The following B4GALNT4 variants were observed in gnomAD, a reference collection of about 807,000 sequenced individuals.
B4GALNT4 encodes the protein N-acetyl-beta-glucosaminyl-glycoprotein 4-beta-N-acetylgalactosaminyltransferase 1.
B4GALNT4 carries 77 observed loss-of-function variants against 110.0 expected under a neutral mutation model. That is an observed-to-expected ratio of 0.70 (90% CI 0.58 to 0.85). B4GALNT4 has a LOEUF of 0.85. Among genes scored for constraint, B4GALNT4 ranks in the 40% least tolerant of loss-of-function variants. B4GALNT4 has a pLI of 0.00. For synonymous variants in B4GALNT4, 785 were observed against 655.5 expected, an observed-to-expected ratio of 1.20 and a Z score of -3.02; for missense variants, 1,575 against 1,506.0, an observed-to-expected ratio of 1.05 and a Z score of -0.76.
At position 372,092 on chromosome 11, in the gene B4GALNT4, T is replaced by A; in HGVS notation, c.152-17T>A. ...AGAGAGCCTGGGCCCGAGACAGGCC[T>A]CATGTGCCACCTGCAGATGGTGAGA... On this transcript the variant is annotated splice_polypyrimidine_tract_variant and intron_variant, in intron 1 of 19. Coordinates refer to ENST00000329962, the MANE Select transcript of B4GALNT4 (RefSeq NM_178537.5). 1 of 1,545,956 alleles carries A rather than the reference T, an allele frequency of 6.5e-7. No individual in the cohort carries two copies. The highest frequency in any genetic ancestry group is 8.7e-7 in the Non-Finnish European group (1 of 1,144,486).
rs1218054524 is a variant in B4GALNT4, at chr11:376,266, A to G, written c.1212A>G (p.Lys404=). 6 of 1,609,514 alleles carry G rather than the reference A, an allele frequency of 3.7e-6. No individual in the cohort carries two copies. The highest frequency in any genetic ancestry group is 5.1e-6 in the Non-Finnish European group (6 of 1,177,908). ...CGCGCCCCAGGTTTGGGTTCTATAA[A>G]TACATGAAGATGGACAAGGAGGAGG... ...PLYLERFGFY[K]YMKMDKEEGD... Residue 404 remains lysine (K), a synonymous_variant, in exon 13 of 20, where the codon AAA becomes AAG. Transcript: ENST00000329962.
chr11:375,522 A>G lies in B4GALNT4; in HGVS notation c.845A>G (p.Tyr282Cys). ...EVISSAHISL[Y>C]TDESALKMDH... ...ATCAGCTCTGCTCACATCTCCCTGT[A>G]CACAGGTGCGAGCGGACGCCTCTGG... is the stretch of plus-strand genomic sequence containing the variant. The change falls in exon 9 of 20, where the codon TAC becomes TGC. Residue 282 changes from tyrosine (Y) to cysteine (C), a missense_variant. Tyr to Cys is a radical substitution (Grantham distance 194). Transcript: ENST00000329962. 2 of 1,611,026 alleles carry G rather than the reference A, an allele frequency of 1.2e-6. No homozygotes were observed. The highest frequency in any genetic ancestry group is 1.7e-6 in the Non-Finnish European group (2 of 1,179,762).
chr11:372,863 G>T lies in B4GALNT4; in HGVS notation c.360G>T (p.Gln120His). 6.2e-7 allele frequency: 1 copy of T among 1,611,786 alleles called. No individual in the cohort carries two copies. The highest frequency in any genetic ancestry group is 8.5e-7 in the Non-Finnish European group (1 of 1,179,696). Residue 120 changes from glutamine to histidine, a missense_variant, in exon 4 of 20, where the codon CAG (glutamine) becomes CAT (histidine). Physicochemically the swap from Gln to His is conservative, Grantham distance 24. Transcript: ENST00000329962. ...TPPWREEYKG[Q>H]VNLHVFEDWC... ...CCCCCCATCCCCAGTACAAGGGGCAGGTGAACCTGCACGTGTTTGAGGACT... is the reference window on the plus strand; with the variant it reads ...CCCCCCATCCCCAGTACAAGGGGCATGTGAACCTGCACGTGTTTGAGGACT...
In B4GALNT4 at chr11:380,018, C is replaced by T. The variant is rs144178684; in HGVS notation, c.2641C>T (p.Arg881Trp). 854 of 1,611,468 alleles carry T rather than the reference C, an allele frequency of 5.3e-4. No homozygotes were observed. Among genetic ancestry groups the T allele is most frequent in the Non-Finnish European group, 7.0e-4 (822 of 1,178,848 alleles). The part of the protein sequence containing the change: ...ERALRAARLP[R>W]YQYLRRTGNF... Reference sequence around the variant, plus strand: ...GGCCCTGCGCGCCGCGCGCCTGCCCCGGTAACGACCCCTACTTCCACCTGG... The same window carrying T: ...GGCCCTGCGCGCCGCGCGCCTGCCCTGGTAACGACCCCTACTTCCACCTGG... The change falls in exon 16 of 20, where the codon CGG becomes TGG. Residue 881 changes from arginine to tryptophan, a missense_variant and splice_region_variant. Coordinates refer to ENST00000329962, the MANE Select transcript of B4GALNT4 (RefSeq NM_178537.5).
At chr11:380,715 G>A (rs1360201203) in intron 18 of B4GALNT4, 110 bp from the exon 19 acceptor site, 2 of 1,561,062 alleles carry the variant, frequency 1.3e-6, no homozygotes, top group East Asian at 2.2e-5. Context: ...AGCCCCCGTG[G>A]TGATGGGACC....
At chr11:372,081 C>T (rs528399992) in intron 1 of B4GALNT4, 28 bp from the exon 2 acceptor site, 17 of 1,535,668 alleles carry the variant, frequency 1.1e-5, no homozygotes, top group African/African-American at 1.4e-5. Flanking sequence ...AGCCTGGGCC[C>T]GAGACAGGCC....
Position 376,231 on chromosome 11 carries a change from G to C in B4GALNT4, c.1197-20G>C, listed in dbSNP as rs753211515. The C allele has an allele frequency of 6.2e-7, 1 of 1,603,724 alleles. No individual in the cohort carries two copies. Among genetic ancestry groups the C allele is most frequent in the African/African-American group, 1.3e-5 (1 of 74,642 alleles). On this transcript the variant is annotated intron_variant, in intron 12 of 19. Transcript: ENST00000329962. ...GGTGGGCGGGGCGGGACTCGGCTCT[G>C]ATGCCCCGCCGCGCCCCAGGTTTGG...
chr11:380,036 C>G lies in B4GALNT4; in HGVS notation c.2642+17C>G. 1 of 1,609,754 alleles carries G rather than the reference C, an allele frequency of 6.2e-7. No homozygotes were observed. On this transcript the variant is annotated intron_variant, in intron 16 of 19. Transcript: ENST00000329962. ...CCTGCCCCGGTAACGACCCCTACTT[C>G]CACCTGGGCGGACCCAGCGCAGCTT... is the stretch of plus-strand genomic sequence containing the variant.
At chr11:373,947 C>T (rs1846672715) in intron 8 of B4GALNT4, 119 bp downstream of exon 8, 3 of 1,034,858 alleles carry the variant, frequency 2.9e-6, no homozygotes, top group African/African-American at 1.6e-5. Context: ...GGGCCATGGG[C>T]CTGAGGTCAG....
At chr11:380,224 C>G in intron 17 of B4GALNT4, 22 bp downstream of exon 17, 1 of 1,604,968 alleles carries the variant, frequency 6.2e-7, no homozygotes, top group Non-Finnish European at 8.5e-7. Context: ...CCATGGGGGT[C>G]GGGGAGCAAA....
At position 376,948 on chromosome 11, in the gene B4GALNT4, C is replaced by T. The variant is rs1356057960; in HGVS notation, c.1825C>T (p.Pro609Ser). ...GGAGGGCCAGGCGCGCACGCTGGGA[C>T]CTGCGGCGCCCACAGTGGACTCAAA... The part of the protein sequence containing the change: ...GREGQARTLG[P>S]AAPTVDSNLS... Residue 609 changes from proline to serine, a missense_variant, in exon 14 of 20, where the codon CCT becomes TCT. Physicochemically the swap from Pro to Ser is moderately conservative, Grantham distance 74 (BLOSUM62 -1). Coordinates refer to ENST00000329962, the MANE Select transcript of B4GALNT4 (RefSeq NM_178537.5). 2.1e-6 allele frequency: 3 copies of T among 1,444,042 alleles called. No individual in the cohort carries two copies. The highest frequency in any genetic ancestry group is 1.8e-6 in the Non-Finnish European group (2 of 1,103,994). 89.5% of individuals were successfully genotyped at this position (1,444,042 alleles called of 1,614,324 possible).
At chr11:381,393 C>T (rs1392338722) in intron 19 of B4GALNT4, among the ~76,000 whole-genome samples, 3 of 48,002 alleles carry the variant, frequency 6.2e-5, no homozygotes, top group Non-Finnish European at 8.0e-5. Context: ...TCCTGACCAC[C>T]TCTCCGCCCC....
At chr11:373,332 C>T (rs778698517) in intron 6 of B4GALNT4, 41 bp downstream of exon 6, 12 of 1,588,120 alleles carry the variant, frequency 7.6e-6, no homozygotes, top group East Asian at 2.3e-5. Flanking sequence ...GGGCCTCCTG[C>T]AGCTCAGTCA....
At chr11:377,693 G>C (rs986381564) in intron 14 of B4GALNT4, among the ~76,000 whole-genome samples, 11 of 152,284 alleles carry the variant, frequency 7.2e-5, no homozygotes, top group African/African-American at 9.6e-5. Context: ...GCCCCATTCC[G>C]GGGGGGCCAG....
rs747176899 is a variant in B4GALNT4 at position 376,684 on chromosome 11, C to T, written c.1561C>T (p.Pro521Ser). The change falls in exon 14 of 20, where the codon CCG becomes TCG. Residue 521 changes from proline to serine, a missense_variant. Pro to Ser is a moderately conservative substitution (Grantham distance 74). Coordinates refer to ENST00000329962, the MANE Select transcript of B4GALNT4 (RefSeq NM_178537.5). ...APPPRPAVEQ[P>S]PPKVYVTRVR... ...GCCCCCGCGCCCTGCAGTGGAGCAG[C>T]CGCCCCCAAAGGTGTACGTGACCAG... The T allele has an allele frequency of 4.8e-5, 68 of 1,427,966 alleles. 1 individual carries two copies. The East Asian group carries it at 2.1e-3, about 45-fold the overall frequency. The allele number at this position is 1,427,966 out of a possible 1,614,324, so 88.5% of individuals were successfully genotyped here. A position where few individuals can be genotyped will look rare whatever the true frequency, so the allele number is the denominator to read the frequency against.
Position 379,719 on chromosome 11 carries a change from G to A in B4GALNT4, c.2488+18G>A. 2 of 1,500,766 alleles carry A rather than the reference G, an allele frequency of 1.3e-6. No homozygotes were observed. Among genetic ancestry groups the A allele is most frequent in the East Asian group, 2.3e-5 (1 of 42,982 alleles). 93.0% of individuals were successfully genotyped at this position (1,500,766 alleles called of 1,614,324 possible). On this transcript the variant is annotated intron_variant, in intron 15 of 19. Transcript: ENST00000329962. ...CGTGCCAGGTTCGCAGGGCGGGCTC[G>A]GGGTGTCCGGGAGACCTCGTGGAAG...
chr11:377,209 C>G lies in B4GALNT4; in HGVS notation c.2086C>G (p.Leu696Val). Residue 696 changes from leucine (L) to valine (V), a missense_variant, in exon 14 of 20, where the codon CTG (leucine) becomes GTG (valine). Coordinates refer to ENST00000329962, the MANE Select transcript of B4GALNT4 (RefSeq NM_178537.5). ...CGTGGGCGCCGTGGACTTCGAGCTG[C>G]TGCGCTCGGACTGGAACGACCTGCG... The part of the protein sequence containing the change: ...FSVGAVDFEL[L>V]RSDWNDLRCN... 1 of 1,594,794 alleles carries G rather than the reference C, an allele frequency of 6.3e-7. No individual in the cohort carries two copies.
Position 380,436 on chromosome 11 carries a change from G to A in B4GALNT4, c.2860G>A (p.Asp954Asn), listed in dbSNP as rs768880532. 1.3e-6 allele frequency: 2 copies of A among 1,599,996 alleles called. No homozygotes were observed. The highest frequency in any genetic ancestry group is 1.7e-6 in the Non-Finnish European group (2 of 1,174,848). ...CCTGAGCTGCGGGAGCTCGCCCCGG[G>A]ACCCCCACGGTGAGGCCCCGAGCGT... ...MRLSCGSSPRDPHGYWEVNGF... is the reference protein window; with the variant it reads ...MRLSCGSSPRNPHGYWEVNGF... The change falls in exon 18 of 20, where the codon GAC becomes AAC. Residue 954 changes from aspartate to asparagine, a missense_variant. Coordinates refer to ENST00000329962, the MANE Select transcript of B4GALNT4 (RefSeq NM_178537.5).
chr11:373,412 C>CT lies in B4GALNT4; in HGVS notation c.637-37_637-36insT, dbSNP rs777909784. 8.8e-5 allele frequency: 94 copies of CT among 1,067,440 alleles called. 1 individual carries two copies. In the Middle Eastern group the frequency reaches 9.4e-4, roughly 11 times the overall value. 66.1% of individuals were successfully genotyped at this position (1,067,440 alleles called of 1,614,324 possible). ...GTGTCCCCAGGGAGAGAGTGAACCC[C>CT]CCCCCCCACCACCACCCCTGCTCTA... On this transcript the variant is annotated intron_variant, in intron 6 of 19. Coordinates refer to ENST00000329962, the MANE Select transcript of B4GALNT4 (RefSeq NM_178537.5).
Sources: gnomAD v4.1 joint callset for allele counts (sites outside exome capture counted in the v4.1 genomes callset) on GRCh38, gnomAD v4.1.1 for gene constraint, MANE v1.5 for transcripts, NCBI Gene and HGNC (gene_info 2026-07-23, HGNC 2026-07-21) for gene names.